Variants in ARID1B observed in about 807,000 individuals in gnomAD.
ARID1B encodes the protein AT-rich interaction domain 1B.
A neutral mutation model predicts 212.3 loss-of-function variants in ARID1B; 30 were observed. The observed-to-expected ratio is 0.14, with a 90% CI of 0.11 to 0.19. ARID1B has a LOEUF of 0.19. Ranked by LOEUF, ARID1B falls within the 10% of genes least tolerant of loss-of-function variation. The probability of loss-of-function intolerance (pLI) is 1.00; values close to 1 mark genes in which losing one functional copy is unlikely to be tolerated. For synonymous variants in ARID1B, 1,402 were observed against 1,301.7 expected, an observed-to-expected ratio of 1.08 and a Z score of -1.66; for missense variants, 2,891 against 3,204.0, an observed-to-expected ratio of 0.90 and a Z score of 2.36.
At chr6:156,974,791 T>A (rs1327465240) in intron 4 of ARID1B, among the ~76,000 whole-genome samples, 5 of 152,230 alleles carry the variant, frequency 3.3e-5, no homozygotes, top group African/African-American at 1.2e-4. Context: ...TTCCATTACA[T>A]CCTTCACATG....
intron 4 of ARID1B, chr6:156,943,059 T>G (rs907050904): frequency 6.6e-6 from 1 of 152,230 alleles, no homozygotes; most frequent in African/African-American, 2.4e-5. Flanking sequence ...AATAAATACA[T>G]GTAGAGAAGG....
chr6:156,790,840 T>C (rs1779962119), intron 1 of ARID1B, among the ~76,000 whole-genome samples: 2 of 152,250 alleles, frequency 1.3e-5, no homozygotes. Flanking sequence ...ACTCTGATAT[T>C]GGTCGGAGAC....
At chr6:157,016,418 G>A (rs1583151224) in intron 4 of ARID1B, among the ~76,000 whole-genome samples, 2 of 152,278 alleles carry the variant, frequency 1.3e-5, no homozygotes, top group Middle Eastern at 3.4e-3. Flanking sequence ...ATACACATCA[G>A]ATTTTGAAGA....
In ARID1B at chr6:156,802,081, C is replaced by T. The variant is rs146112288; in HGVS notation, c.1791+22610C>T. 8.5e-5 allele frequency among the ~76,000 whole-genome samples: 13 copies of T among 152,314 alleles called. No homozygotes were observed. The East Asian group carries it at 1.9e-3, about 23-fold the overall frequency. ...TGAGCCAAGCAGATAAATGTGTAAA[C>T]GGCACCTTTCTCCTTCTCTCCTACC... On this transcript the variant is annotated intron_variant, in intron 1 of 19. Coordinates refer to ENST00000636930, the MANE Select transcript of ARID1B (RefSeq NM_001374828.1).
At chr6:157,160,517 G>A (rs1396216947) in intron 8 of ARID1B, among the ~76,000 whole-genome samples, 1 of 152,162 alleles carries the variant, frequency 6.6e-6, no homozygotes, top group Non-Finnish European at 1.5e-5. Context: ...CTTGGTTGTG[G>A]TAACAGCCTC....
At chr6:156,887,710 C>T (rs968993810) in intron 2 of ARID1B, among the ~76,000 whole-genome samples, 1 of 151,886 alleles carries the variant, frequency 6.6e-6, no homozygotes, top group Non-Finnish European at 1.5e-5. Flanking sequence ...GCTTTTGACT[C>T]GTGGTAACAA....
chr6:157,149,453 A>G (rs1790045801), intron 8 of ARID1B: 1 of 154,066 alleles, frequency 6.5e-6, no homozygotes. Flanking sequence ...TGTGAGATTT[A>G]TATACTTGAC....
chr6:157,132,664 C>A (rs1167778561), intron 6 of ARID1B, among the ~76,000 whole-genome samples: 1 of 152,156 alleles, frequency 6.6e-6, no homozygotes, highest in Non-Finnish European at 1.5e-5. Flanking sequence ...GCATGGCCAG[C>A]CTTTCAGGGG....
chr6:156,941,771 A>G (rs1466778302), intron 4 of ARID1B: 1 of 152,186 alleles, frequency 6.6e-6, no homozygotes, highest in East Asian at 1.9e-4. Flanking sequence ...ATTCAATAAA[A>G]CCTTAACAGT....
intron 1 of ARID1B, among the ~76,000 whole-genome samples, chr6:156,801,098 A>G (rs529575523): frequency 3.9e-5 from 6 of 152,120 alleles, no homozygotes; most frequent in African/African-American, 1.4e-4. Context: ...ATTTATAACA[A>G]TTTAAACCTA....
rs115356370 is a variant in ARID1B at position 156,864,951 on chromosome 6, A to G, written c.1986+35530A>G. Among the ~76,000 whole-genome samples the G allele has an allele frequency of 2.2e-3, 333 of 152,278 alleles. 3 individuals are homozygous for G. Among genetic ancestry groups the G allele is most frequent in the African/African-American group, 7.6e-3 (315 of 41,542 alleles). On this transcript the variant is annotated intron_variant, in intron 2 of 19. Coordinates refer to ENST00000636930, the MANE Select transcript of ARID1B (RefSeq NM_001374828.1). ...GTAAATAATTTTTTTTAAATTTTCT[A>G]TATAAACTTACCATGCACTCCCCTT...
At chr6:156,954,651 C>G (rs927400273) in intron 4 of ARID1B, among the ~76,000 whole-genome samples, 2 of 151,982 alleles carry the variant, frequency 1.3e-5, no homozygotes, top group African/African-American at 4.8e-5. Context: ...TACATTAGCT[C>G]GAACTGTTTT....
At chr6:156,877,383 G>GCAC (rs1390670020) in intron 2 of ARID1B, among the ~76,000 whole-genome samples, 1 of 152,140 alleles carries the variant, frequency 6.6e-6, no homozygotes, top group African/African-American at 2.4e-5. Flanking sequence ...GTTTCACTCT[G>GCAC]CACTGTGCTG....
At chr6:157,106,663 A>G (rs1328358156) in intron 5 of ARID1B, among the ~76,000 whole-genome samples, 1 of 152,210 alleles carries the variant, frequency 6.6e-6, no homozygotes, top group South Asian at 2.1e-4. Context: ...ACATAGTTGC[A>G]GGAGTGACAG....
At chr6:156,967,902 TC>T (rs1224176781) in intron 4 of ARID1B, among the ~76,000 whole-genome samples, 2 of 152,242 alleles carry the variant, frequency 1.3e-5, no homozygotes, top group African/African-American at 2.4e-5. Context: ...ATTTTACTTT[TC>T]TTTCAGTTAA....
chr6:157,036,719 GAA>G, intron 4 of ARID1B: 1 of 418,766 alleles, frequency 2.4e-6, no homozygotes, highest in East Asian at 5.6e-5. Context: ...GACATAAATG[GAA>G]TGCCAGTTTT....
chr6:156,820,832 A>AT (rs1231315058), intron 1 of ARID1B, among the ~76,000 whole-genome samples: 3 of 152,218 alleles, frequency 2.0e-5, no homozygotes, highest in African/African-American at 7.2e-5. Context: ...CAAATATGGT[A>AT]TTGTACTTGC....
chr6:156,823,387 C>T (rs1444733755), intron 1 of ARID1B, among the ~76,000 whole-genome samples: 4 of 152,148 alleles, frequency 2.6e-5, no homozygotes, highest in East Asian at 1.9e-4. Flanking sequence ...ACAGTGTACT[C>T]GAGGTCCCTG....
rs1280712992 is a variant in ARID1B, at chr6:157,206,431, G to T, written c.5659G>T (p.Ala1887Ser). 1.9e-6 allele frequency: 3 copies of T among 1,614,108 alleles called. No individual in the cohort carries two copies. Among genetic ancestry groups the T allele is most frequent in the South Asian group, 1.1e-5 (1 of 91,078 alleles). ...KTESDEKSSIALTAPDAAADP... is the reference protein window; with the variant it reads ...KTESDEKSSISLTAPDAAADP... ...AGAAAGCGATGAAAAGAGCAGCATC[G>T]CTCTGACTGCCCCGGACGCCGCTGC... Residue 1887 changes from alanine to serine, a missense_variant, in exon 20 of 20, where the codon GCT (alanine) becomes TCT (serine). Physicochemically the swap from Ala to Ser is moderately conservative, Grantham distance 99. Around this residue, in one of 7 missense-constraint regions of ARID1B, gnomAD observed 332 missense variants for 369.2 expected, o/e 0.90. Coordinates refer to ENST00000636930, the MANE Select transcript of ARID1B (RefSeq NM_001374828.1). This position sits in a 1 kb window ranked among gnomAD's most constrained non-coding sequence, Gnocchi z 6.8.
Sources: allele counts gnomAD v4.1 joint callset (sites outside exome capture counted in the v4.1 genomes callset), GRCh38; gene constraint gnomAD v4.1.1; regional missense constraint gnomAD v4.1.1; non-coding constraint Gnocchi (gnomAD v3.1); transcripts MANE v1.5; gene names NCBI Gene and HGNC (gene_info 2026-07-23, HGNC 2026-07-21).